KIAA1549: variants seen among roughly 807,000 people sequenced by gnomAD.
KIAA1549 encodes the protein UPF0606 protein KIAA1549.
KIAA1549 carries 70 observed loss-of-function variants against 156.4 expected under a neutral mutation model. The observed-to-expected ratio is 0.45, with a 90% CI of 0.37 to 0.55. The LOEUF (loss-of-function observed/expected upper bound fraction) is 0.55. KIAA1549 is among the 20% of genes least tolerant of loss of function. The pLI is 0.00. For synonymous variants in KIAA1549, 1,103 were observed against 1,066.4 expected, an observed-to-expected ratio of 1.03 and a Z score of -0.67; for missense variants, 2,428 against 2,540.9, an observed-to-expected ratio of 0.96 and a Z score of 0.96.
chr7:138,950,322 A>G (rs1050291638), intron 1 of KIAA1549, among the ~76,000 whole-genome samples: 2 of 152,240 alleles, frequency 1.3e-5, no homozygotes, highest in African/African-American at 4.8e-5. Flanking sequence ...CAAACACACA[A>G]CTAACAGATC....
rs986072227 is a variant in KIAA1549, at chr7:138,834,438, C to T, written c.*3468G>A. 1.5e-5 allele frequency: 3 copies of T among 202,502 alleles called. No individual in the cohort carries two copies. Among genetic ancestry groups the T allele is most frequent in the Non-Finnish European group, 3.0e-5 (3 of 98,500 alleles). The allele number at this position is 202,502 out of a possible 1,614,324, so 12.5% of individuals were successfully genotyped here. A position where few individuals can be genotyped will look rare whatever the true frequency, so the allele number is the denominator to read the frequency against. ...TGCTGGGATTACAGGCGTGAGCCACCGCGCCTGATCTCTTCGAATGAATTT... is the reference window on the plus strand; with the variant it reads ...TGCTGGGATTACAGGCGTGAGCCACTGCGCCTGATCTCTTCGAATGAATTT... On this transcript the variant is annotated 3_prime_UTR_variant, in exon 20 of 20. Coordinates refer to ENST00000422774, the MANE Select transcript of KIAA1549 (RefSeq NM_001164665.2).
At chr7:138,885,737 C>G (rs1811372374) in intron 10 of KIAA1549, among the ~76,000 whole-genome samples, 1 of 152,174 alleles carries the variant, frequency 6.6e-6, no homozygotes, top group Non-Finnish European at 1.5e-5. Flanking sequence ...TTAACATATC[C>G]TTTGTGATAA....
chr7:138,960,823 C>T (rs551157555), intron 1 of KIAA1549, among the ~76,000 whole-genome samples: 2 of 152,274 alleles, frequency 1.3e-5, no homozygotes, highest in South Asian at 2.1e-4. Flanking sequence ...GAAACACAAG[C>T]GGTGGTGTCT....
At chr7:138,944,147 A>C (rs1584774922) in intron 1 of KIAA1549, among the ~76,000 whole-genome samples, 1 of 151,578 alleles carries the variant, frequency 6.6e-6, no homozygotes, top group East Asian at 2.0e-4. Context: ...AACTATCATC[A>C]CTACATTGTA....
At chr7:138,883,504 A>G (rs972974487) in intron 10 of KIAA1549, among the ~76,000 whole-genome samples, 3 of 151,748 alleles carry the variant, frequency 2.0e-5, no homozygotes, top group African/African-American at 4.8e-5. Flanking sequence ...TTTAGTAGAG[A>G]TGGGGTCTCA....
rs1489370033 is a variant in KIAA1549, at chr7:138,861,262, T to C, written c.5124A>G (p.Ala1708=). ...VAPSSQPAST[A]GVGPGVPPGL... Reference sequence around the variant, plus strand: ...CGGGTGGGACTCCGGGGCCTACACCTGCGGTGCTGGCAGGCTGGCTGCTGG... The same window carrying C: ...CGGGTGGGACTCCGGGGCCTACACCCGCGGTGCTGGCAGGCTGGCTGCTGG... Residue 1708 remains alanine, a synonymous_variant, in exon 16 of 20, where the codon GCA becomes GCG. Transcript: ENST00000422774. The C allele has an allele frequency of 6.2e-7, 1 of 1,609,476 alleles. No individual in the cohort carries two copies. The highest frequency in any genetic ancestry group is 8.5e-7 in the Non-Finnish European group (1 of 1,178,728).
chr7:138,928,647 A>G (rs558836663), intron 1 of KIAA1549, among the ~76,000 whole-genome samples: 8 of 152,380 alleles, frequency 5.3e-5, no homozygotes, highest in Admixed American at 6.5e-5. Context: ...GACAAACTTA[A>G]TAAAGCAAAT....
intron 10 of KIAA1549, among the ~76,000 whole-genome samples, chr7:138,889,613 T>C (rs779838402): frequency 6.6e-6 from 1 of 152,230 alleles, no homozygotes; most frequent in Non-Finnish European, 1.5e-5. Context: ...GGTTTTTTTC[T>C]GGGTAACCAA....
chr7:138,915,428 C>T (rs192489323), intron 2 of KIAA1549, among the ~76,000 whole-genome samples: 5 of 152,186 alleles, frequency 3.3e-5, no homozygotes, highest in East Asian at 1.9e-4. Flanking sequence ...TGTGGAATAA[C>T]GAATGTTTCC....
In KIAA1549 at chr7:138,868,614, G is replaced by A. The variant is rs565892791; in HGVS notation, c.4776-486C>T. Among the ~76,000 whole-genome samples the A allele has an allele frequency of 6.6e-4, 100 of 152,314 alleles. 1 individual carries two copies. Among genetic ancestry groups the A allele is most frequent in the Non-Finnish European group, 1.1e-3 (73 of 68,038 alleles). ...AATTAATTTTTGTATCTTTAGTAGA[G>A]ACGGGGTTTCACCATATTGGCCAGG... On this transcript the variant is annotated intron_variant, in intron 14 of 19. Coordinates refer to ENST00000422774, the MANE Select transcript of KIAA1549 (RefSeq NM_001164665.2).
intron 1 of KIAA1549, among the ~76,000 whole-genome samples, chr7:138,973,022 A>G (rs1401166011): frequency 1.3e-5 from 2 of 152,026 alleles, no homozygotes; most frequent in Non-Finnish European, 2.9e-5. Flanking sequence ...GGTTTTCACC[A>G]TGTTGGCCAG....
At chr7:138,849,412 T>C (rs1021709737) in intron 17 of KIAA1549, among the ~76,000 whole-genome samples, 5 of 152,270 alleles carry the variant, frequency 3.3e-5, no homozygotes, top group African/African-American at 1.2e-4. Flanking sequence ...AACACTGCTA[T>C]AGCTGCACCT....
At chr7:138,896,438 A>G (rs1250024662) in intron 9 of KIAA1549, among the ~76,000 whole-genome samples, 3 of 152,350 alleles carry the variant, frequency 2.0e-5, no homozygotes, top group African/African-American at 7.2e-5. Flanking sequence ...AAAGCAACAA[A>G]GTGAAAAACT....
intron 8 of KIAA1549, among the ~76,000 whole-genome samples, chr7:138,899,742 C>T (rs993314051): frequency 2.0e-5 from 3 of 152,116 alleles, no homozygotes; most frequent in African/African-American, 7.2e-5. Context: ...GCCAGATGCA[C>T]CCTGGAGGAC....
At position 138,908,833 on chromosome 7, in the gene KIAA1549, A is replaced by T. The variant is rs542631915; in HGVS notation, c.3276+158T>A. ...CAAAGATGCTCAGCCTGTGCACGCT[A>T]TGCCGACCTTACGCCACAGGAATAG... On this transcript the variant is annotated intron_variant, in intron 5 of 19. Transcript: ENST00000422774. Among the ~76,000 whole-genome samples the T allele has an allele frequency of 4.3e-4, 66 of 152,342 alleles. 1 individual carries two copies. The highest frequency in any genetic ancestry group is 1.4e-3 in the African/African-American group (59 of 41,580).
rs1201752539 is a variant in KIAA1549 at position 138,883,089 on chromosome 7, T to TAAAAAAAAA, written c.4033-1514_4033-1506dup. ...CAACATGGTGAAACCCCATCTCCCC[T>TAAAAAAAAA]AAAAAAAAAAAAAAAAAAAAAAAAA... On this transcript the variant is annotated intron_variant, in intron 10 of 19. Coordinates refer to ENST00000422774, the MANE Select transcript of KIAA1549 (RefSeq NM_001164665.2). Among the ~76,000 whole-genome samples the TAAAAAAAAA allele has an allele frequency of 8.9e-4, 42 of 47,076 alleles. 19 individuals are homozygous for TAAAAAAAAA. Among genetic ancestry groups the TAAAAAAAAA allele is most frequent in the African/African-American group, 2.9e-3 (33 of 11,558 alleles). 30.9% of individuals were successfully genotyped at this position (47,076 alleles called of 152,430 possible). A position where few individuals can be genotyped will look rare whatever the true frequency, so the allele number is the denominator to read the frequency against.
chr7:138,843,327 A>C (rs899753053), intron 18 of KIAA1549, among the ~76,000 whole-genome samples: 1 of 152,138 alleles, frequency 6.6e-6, no homozygotes, highest in Non-Finnish European at 1.5e-5. Flanking sequence ...TAAAAACTGG[A>C]CCTTTTTCCT....
chr7:138,944,631 A>G (rs968515695), intron 1 of KIAA1549, among the ~76,000 whole-genome samples: 1 of 152,158 alleles, frequency 6.6e-6, no homozygotes, highest in Non-Finnish European at 1.5e-5. Context: ...CCAACAGATG[A>G]TATCAACCCA....
chr7:138,841,057 C>T (rs1809901747), intron 18 of KIAA1549, among the ~76,000 whole-genome samples: 1 of 152,088 alleles, frequency 6.6e-6, no homozygotes, highest in African/African-American at 2.4e-5. Flanking sequence ...CGTGGCTAGA[C>T]ATTAGGACTG....
Sources: allele counts gnomAD v4.1 joint callset (sites outside exome capture counted in the v4.1 genomes callset), GRCh38; gene constraint gnomAD v4.1.1; transcripts MANE v1.5; gene names NCBI Gene and HGNC (gene_info 2026-07-23, HGNC 2026-07-21).